PLEKHA5: variants seen among roughly 807,000 people sequenced by gnomAD.
The protein encoded by PLEKHA5 is pleckstrin homology domain containing A5.
In PLEKHA5, 55 loss-of-function variants were observed where a neutral mutation model predicts 181.9. The ratio of observed to expected loss-of-function variants is 0.30; its 90% confidence interval spans 0.24 to 0.38. The LOEUF is 0.38. PLEKHA5 is among the 10% of genes least tolerant of loss of function. The probability of loss-of-function intolerance (pLI) is 1.00; values close to 1 mark genes in which losing one functional copy is unlikely to be tolerated. For missense variants in PLEKHA5, 1,432 were observed against 1,549.5 expected, an observed-to-expected ratio of 0.92 and a Z score of 1.27; for synonymous variants, 535 against 529.4, an observed-to-expected ratio of 1.01 and a Z score of -0.15.
At chr12:19,173,941 G>C (rs902709277) in intron 3 of PLEKHA5, among the ~76,000 whole-genome samples, 1 of 152,136 alleles carries the variant, frequency 6.6e-6, no homozygotes, top group African/African-American at 2.4e-5. Context: ...TGAAGCTACT[G>C]TTGCTATAGA....
chr12:19,292,524 T>C (rs2078713169), intron 15 of PLEKHA5, among the ~76,000 whole-genome samples: 1 of 152,230 alleles, frequency 6.6e-6, no homozygotes, highest in African/African-American at 2.4e-5. Context: ...GTTTGCTGTG[T>C]ACTTCCAATG....
At chr12:19,190,130 T>A (rs1326582614) in intron 3 of PLEKHA5, among the ~76,000 whole-genome samples, 5 of 152,208 alleles carry the variant, frequency 3.3e-5, no homozygotes, top group Non-Finnish European at 7.3e-5. Context: ...TCACTTCACC[T>A]TTTGAAAGAA....
chr12:19,360,614 GAAAAAAGAAAAAGA>G (rs1040739483), intron 28 of PLEKHA5, among the ~76,000 whole-genome samples: 9 of 148,872 alleles, frequency 6.0e-5, no homozygotes, highest in African/African-American at 2.2e-4. Context: ...TCAAAAAAAA[GAAAAAAGAAAAAGA>G]AAAAAAGAAA....
At chr12:19,166,792 T>C (rs1041062746) in intron 3 of PLEKHA5, among the ~76,000 whole-genome samples, 2 of 152,346 alleles carry the variant, frequency 1.3e-5, no homozygotes, top group East Asian at 3.9e-4. Context: ...AACATAAATT[T>C]ATTTTTCCCT....
chr12:19,214,607 C>G (rs7967266), intron 3 of PLEKHA5, among the ~76,000 whole-genome samples: 127,601 of 151,996 alleles, frequency 0.84, 55,001 homozygotes, highest in Non-Finnish European at 0.95. Flanking sequence ...ACAGATCCAG[C>G]GACATATGAT....
rs199683682 is a variant in PLEKHA5 at position 19,164,191 on chromosome 12, G to GTTT, written c.227+31744_227+31746dup. On this transcript the variant is annotated intron_variant, in intron 3 of 31. Coordinates refer to ENST00000429027, the MANE Select transcript of PLEKHA5 (RefSeq NM_001256470.2). ...TTTCCCCACTTCTTGCTCTCCAGAT[G>GTTT]TTTTTGTTTTTTTTTTTTTTTTTTT... Among the ~76,000 whole-genome samples the GTTT allele has an allele frequency of 3.6e-3, 428 of 118,918 alleles. 8 individuals carry two copies. The highest frequency in any genetic ancestry group is 9.6e-3 in the Middle Eastern group (2 of 208). 78.0% of individuals were successfully genotyped at this position (118,918 alleles called of 152,430 possible).
intron 3 of PLEKHA5, among the ~76,000 whole-genome samples, chr12:19,173,699 G>GC (rs2046538548): frequency 6.6e-6 from 1 of 152,170 alleles, no homozygotes. Flanking sequence ...GAGGAATACA[G>GC]CCTAGGGGAT....
At chr12:19,174,413 A>G (rs2151731102) in intron 3 of PLEKHA5, among the ~76,000 whole-genome samples, 1 of 152,334 alleles carries the variant, frequency 6.6e-6, no homozygotes, top group East Asian at 1.9e-4. Context: ...GGGTAGTATC[A>G]TGTTGCTAAT....
At chr12:19,259,643 C>T (rs1332379351) in intron 6 of PLEKHA5, among the ~76,000 whole-genome samples, 1 of 151,584 alleles carries the variant, frequency 6.6e-6, no homozygotes, top group Non-Finnish European at 1.5e-5. Flanking sequence ...CCTAGCTACT[C>T]GGGAGGCTGA....
intron 3 of PLEKHA5, among the ~76,000 whole-genome samples, chr12:19,218,387 C>G (rs2058361265): frequency 6.6e-6 from 1 of 151,898 alleles, no homozygotes; most frequent in Non-Finnish European, 1.5e-5. Context: ...GTCAAAGATG[C>G]CAGTGATTTT....
At chr12:19,242,558 G>T (rs374220962) in intron 3 of PLEKHA5, among the ~76,000 whole-genome samples, 1 of 152,130 alleles carries the variant, frequency 6.6e-6, no homozygotes, top group African/African-American at 2.4e-5. Context: ...TAGATTCTCA[G>T]TGTGTATGCT....
At chr12:19,189,375 G>A (rs765854498) in intron 3 of PLEKHA5, among the ~76,000 whole-genome samples, 19 of 152,172 alleles carry the variant, frequency 1.2e-4, no homozygotes, top group Admixed American at 4.6e-4. Flanking sequence ...GATGGAGGAA[G>A]GTAGACCATT....
intron 16 of PLEKHA5, among the ~76,000 whole-genome samples, chr12:19,316,340 G>A (rs2088698325): frequency 6.6e-6 from 1 of 151,878 alleles, no homozygotes; most frequent in African/African-American, 2.4e-5. Flanking sequence ...TTCAGGATGC[G>A]GAAGTCTGAT....
chr12:19,326,039 TAAATA>T (rs1018110151), intron 20 of PLEKHA5, among the ~76,000 whole-genome samples: 3 of 151,812 alleles, frequency 2.0e-5, no homozygotes, highest in Non-Finnish European at 2.9e-5. Context: ...TAAAATAAAA[TAAATA>T]AAATAGAATA....
At chr12:19,240,951 G>A (rs373422677) in intron 3 of PLEKHA5, among the ~76,000 whole-genome samples, 3 of 152,186 alleles carry the variant, frequency 2.0e-5, no homozygotes, top group South Asian at 2.1e-4. Flanking sequence ...TACCCTGTGA[G>A]CATTTTTATT....
At chr12:19,317,854 T>C (rs1176126240) in intron 16 of PLEKHA5, among the ~76,000 whole-genome samples, 1 of 150,970 alleles carries the variant, frequency 6.6e-6, no homozygotes, top group South Asian at 2.1e-4. Flanking sequence ...AATTACTACA[T>C]AGCCCATTTT....
At chr12:19,280,646 A>C (rs985152305) in intron 11 of PLEKHA5, among the ~76,000 whole-genome samples, 1 of 152,128 alleles carries the variant, frequency 6.6e-6, no homozygotes. Flanking sequence ...TGGTTCATTG[A>C]ATTCTGTTGA....
intron 11 of PLEKHA5, among the ~76,000 whole-genome samples, chr12:19,280,823 G>T (rs2075940961): frequency 6.6e-6 from 1 of 150,736 alleles, no homozygotes; most frequent in Non-Finnish European, 1.5e-5. Context: ...TGATTCTCCT[G>T]CCTCAGCCTC....
At chr12:19,265,617 A>G (rs1313603111) in intron 7 of PLEKHA5, 133 bp from the exon 8 acceptor site, 2 of 586,784 alleles carry the variant, frequency 3.4e-6, no homozygotes, top group African/African-American at 3.8e-5. Flanking sequence ...TTAAAACCTT[A>G]TAAAGGCCTG....
Sources: allele counts gnomAD v4.1 joint callset (sites outside exome capture counted in the v4.1 genomes callset), GRCh38; gene constraint gnomAD v4.1.1; transcripts MANE v1.5; gene names NCBI Gene and HGNC (gene_info 2026-07-23, HGNC 2026-07-21).